Variants in PXDNL observed in about 807,000 individuals in gnomAD.
PXDNL encodes the protein peroxidasin like.
PXDNL carries 145 observed loss-of-function variants against 150.8 expected under a neutral mutation model. That is an observed-to-expected ratio of 0.96 (90% confidence interval 0.84 to 1.10). The LOEUF (loss-of-function observed/expected upper bound fraction) is 1.10. PXDNL is among the 50% of genes least tolerant of loss of function. The probability of loss-of-function intolerance (pLI) is 0.00; values close to 1 mark genes in which losing one functional copy is unlikely to be tolerated. For missense variants in PXDNL, 2,087 were observed against 1,873.9 expected (o/e 1.11, Z -2.10); for synonymous variants, 757 against 725.7 (o/e 1.04, Z -0.69).
chr8:51,634,972 T>C (rs546045981), intron 2 of PXDNL, among the ~76,000 whole-genome samples: 57 of 152,248 alleles, frequency 3.7e-4, no homozygotes, highest in African/African-American at 1.3e-3. Context: ...CTTTTATTTC[T>C]TTCTCTAGTC....
At chr8:51,511,095 C>T (rs1156993293) in intron 4 of PXDNL, among the ~76,000 whole-genome samples, 1 of 152,138 alleles carries the variant, frequency 6.6e-6, no homozygotes, top group African/African-American at 2.4e-5. Flanking sequence ...ATTCCAGAGG[C>T]TTTTACAGGG....
At chr8:51,621,505 T>C (rs1585627050) in intron 2 of PXDNL, among the ~76,000 whole-genome samples, 2 of 151,186 alleles carry the variant, frequency 1.3e-5, no homozygotes, top group African/African-American at 2.4e-5. Context: ...AAGCGTTATA[T>C]AGTGCAGCAG....
At chr8:51,419,874 C>T (rs1015095649) in intron 14 of PXDNL, among the ~76,000 whole-genome samples, 1 of 152,066 alleles carries the variant, frequency 6.6e-6, no homozygotes, top group African/African-American at 2.4e-5. Context: ...TTGACAACAT[C>T]CTAAACAAAA....
At chr8:51,600,637 A>G (rs1813692205) in intron 2 of PXDNL, among the ~76,000 whole-genome samples, 1 of 132,854 alleles carries the variant, frequency 7.5e-6, no homozygotes, top group East Asian at 2.1e-4. Context: ...TATAAATTAT[A>G]TAGTTAGATA....
intron 2 of PXDNL, among the ~76,000 whole-genome samples, chr8:51,643,927 ACACGTGAAAAAATGCTCATCAT>A (rs1814839122): frequency 1.3e-5 from 2 of 152,202 alleles, no homozygotes; most frequent in South Asian, 4.1e-4. Context: ...CAGCCAACAG[ACACGTGAAAAAATGCTCATCAT>A]CACTGGCCAA....
At chr8:51,355,152 A>G (rs1806467063) in intron 19 of PXDNL, among the ~76,000 whole-genome samples, 1 of 152,170 alleles carries the variant, frequency 6.6e-6, no homozygotes, top group Non-Finnish European at 1.5e-5. Flanking sequence ...AGTTGCAGAA[A>G]TCTTACTTCT....
chr8:51,676,416 A>G (rs1220179787), intron 1 of PXDNL, among the ~76,000 whole-genome samples: 1 of 152,174 alleles, frequency 6.6e-6, no homozygotes, highest in Non-Finnish European at 1.5e-5. Flanking sequence ...AGCTAGAATT[A>G]CAGGCACATG....
intron 1 of PXDNL, among the ~76,000 whole-genome samples, chr8:51,699,213 A>G (rs1461165877): frequency 6.6e-6 from 1 of 152,236 alleles, no homozygotes; most frequent in African/African-American, 2.4e-5. Flanking sequence ...TGAAAGTCCT[A>G]GATGGTATTT....
chr8:51,336,399 G>C (rs1012368405), intron 21 of PXDNL, among the ~76,000 whole-genome samples: 2 of 152,122 alleles, frequency 1.3e-5, no homozygotes, highest in South Asian at 4.1e-4. Flanking sequence ...CAGCTAACAG[G>C]CTCACTGTTA....
At position 51,401,030 on chromosome 8, in the gene PXDNL, C is replaced by G. The variant is rs78131574; in HGVS notation, c.3557+7037G>C. On this transcript the variant is annotated intron_variant, in intron 17 of 22. Coordinates refer to ENST00000356297, the MANE Select transcript of PXDNL (RefSeq NM_144651.5). ...ATATCTAGAGAGCAGCTGCTTTGTG[C>G]TAGGCCCTGGACTGAACTCTGGGGA... Among the ~76,000 whole-genome samples, 1,434 of 152,290 alleles carry G rather than the reference C, an allele frequency of 9.4e-3. 21 individuals are homozygous for G. Among genetic ancestry groups the G allele is most frequent in the African/African-American group, 0.033 (1,360 of 41,542 alleles).
chr8:51,420,768 A>G (rs1374415224), intron 14 of PXDNL, among the ~76,000 whole-genome samples: 2 of 152,176 alleles, frequency 1.3e-5, no homozygotes, highest in Non-Finnish European at 2.9e-5. Context: ...TTGACACTGC[A>G]ACATCCACCT....
intron 6 of PXDNL, among the ~76,000 whole-genome samples, 155 bp downstream of exon 6, chr8:51,483,488 C>T (rs1431632): frequency 0.48 from 73,584 of 152,120 alleles, 20,966 homozygotes; most frequent in Non-Finnish European, 0.63. Context: ...GGTTCTCTAT[C>T]GCTCTGCAGT....
At chr8:51,663,605 C>T (rs1469861725) in intron 1 of PXDNL, among the ~76,000 whole-genome samples, 1 of 152,154 alleles carries the variant, frequency 6.6e-6, no homozygotes, top group African/African-American at 2.4e-5. Context: ...GAGAACATTG[C>T]GGTTTTGACG....
intron 8 of PXDNL, among the ~76,000 whole-genome samples, chr8:51,463,484 A>G (rs1586127243): frequency 6.6e-6 from 1 of 152,210 alleles, no homozygotes; most frequent in Non-Finnish European, 1.5e-5. Flanking sequence ...CTATTCTTAC[A>G]TAAGATAAAA....
intron 1 of PXDNL, among the ~76,000 whole-genome samples, chr8:51,788,818 TA>T (rs1405684244): frequency 6.6e-6 from 1 of 152,194 alleles, no homozygotes; most frequent in African/African-American, 2.4e-5. Context: ...AGATCTCAAG[TA>T]GAGGTGTTCC....
At chr8:51,343,773 G>A (rs370735174) in intron 20 of PXDNL, among the ~76,000 whole-genome samples, 4 of 152,070 alleles carry the variant, frequency 2.6e-5, no homozygotes, top group Non-Finnish European at 4.4e-5. Flanking sequence ...ATTTGAGTCC[G>A]GTACCCACTT....
chr8:51,472,982 C>A (rs1237266776), intron 7 of PXDNL, among the ~76,000 whole-genome samples: 1 of 151,974 alleles, frequency 6.6e-6, no homozygotes, highest in Non-Finnish European at 1.5e-5. Context: ...AAAACTCTTC[C>A]TTTTATAAGT....
intron 5 of PXDNL, among the ~76,000 whole-genome samples, chr8:51,495,698 T>A (rs1811030168): frequency 6.6e-6 from 1 of 152,188 alleles, no homozygotes; most frequent in African/African-American, 2.4e-5. Flanking sequence ...GATAAATTCC[T>A]CGACACATAC....
At chr8:51,506,998 A>G (rs1210074543) in intron 4 of PXDNL, among the ~76,000 whole-genome samples, 1 of 152,010 alleles carries the variant, frequency 6.6e-6, no homozygotes, top group Non-Finnish European at 1.5e-5. Context: ...TTTTTTTTCC[A>G]TTAAGGACTT....
Sources: gnomAD v4.1 joint callset for allele counts (sites outside exome capture counted in the v4.1 genomes callset) on GRCh38, gnomAD v4.1.1 for gene constraint, MANE v1.5 for transcripts, NCBI Gene and HGNC (gene_info 2026-07-23, HGNC 2026-07-21) for gene names.